The following FGF14 variants were observed in gnomAD, a reference collection of about 807,000 sequenced individuals.
The protein encoded by FGF14 is fibroblast growth factor 14.
In FGF14, 5 loss-of-function variants were observed where a neutral mutation model predicts 25.5. That is an observed-to-expected ratio of 0.20 (90% confidence interval 0.10 to 0.41). The LOEUF is 0.41. Ranked by LOEUF, FGF14 falls within the 10% of genes least tolerant of loss-of-function variation. The pLI, the probability that FGF14 is intolerant of heterozygous loss-of-function variation, is 1.00. For missense variants in FGF14, 222 were observed against 320.1 expected (o/e 0.69, Z 2.34); for synonymous variants, 138 against 118.3 (o/e 1.17, Z -1.08).
At chr13:102,134,421 T>C (rs1312274427) in intron 1 of FGF14, among the ~76,000 whole-genome samples, 1 of 152,200 alleles carries the variant, frequency 6.6e-6, no homozygotes, top group Non-Finnish European at 1.5e-5. Context: ...GGAAAATCAG[T>C]GCTATGATTG....
At chr13:101,740,993 G>T (rs572783144) in intron 3 of FGF14, among the ~76,000 whole-genome samples, 1 of 152,094 alleles carries the variant, frequency 6.6e-6, no homozygotes, top group Non-Finnish European at 1.5e-5. Context: ...AAAAGTCCCC[G>T]GTCAGTAAGC....
intron 3 of FGF14, among the ~76,000 whole-genome samples, chr13:101,757,351 A>T (rs936150777): frequency 4.0e-5 from 6 of 151,616 alleles, no homozygotes; most frequent in Middle Eastern, 3.4e-3. Flanking sequence ...AAAAGGGGGG[A>T]ATATATTTTG....
At chr13:102,109,352 C>T (rs992013049) in intron 1 of FGF14, among the ~76,000 whole-genome samples, 3 of 152,058 alleles carry the variant, frequency 2.0e-5, no homozygotes, top group Non-Finnish European at 2.9e-5. Flanking sequence ...CATTGTAAAG[C>T]ATGACTGTAG....
chr13:101,805,894 C>CA (rs1218381277), intron 3 of FGF14, among the ~76,000 whole-genome samples: 1 of 151,906 alleles, frequency 6.6e-6, no homozygotes, highest in Non-Finnish European at 1.5e-5. Flanking sequence ...TGAAACAAGG[C>CA]AAATTCATCA....
intron 3 of FGF14, among the ~76,000 whole-genome samples, chr13:101,776,176 G>A (rs2039091324): frequency 6.6e-6 from 1 of 152,118 alleles, no homozygotes. Flanking sequence ...GGATATCAGA[G>A]GGCAGCTTTC....
intron 1 of FGF14, among the ~76,000 whole-genome samples, chr13:101,987,904 T>C (rs979020061): frequency 3.9e-5 from 6 of 152,214 alleles, no homozygotes; most frequent in African/African-American, 7.2e-5. Context: ...TATGGATATA[T>C]AGTCAGTGCC....
chr13:102,042,385 G>A (rs1460589463), intron 1 of FGF14, among the ~76,000 whole-genome samples: 3 of 152,178 alleles, frequency 2.0e-5, no homozygotes, highest in Non-Finnish European at 2.9e-5. Context: ...AGTGAATTGA[G>A]AAGGTCGTAA....
At chr13:101,737,741 G>A (rs1454499331) in intron 3 of FGF14, among the ~76,000 whole-genome samples, 3 of 151,868 alleles carry the variant, frequency 2.0e-5, no homozygotes, top group South Asian at 2.1e-4. Context: ...AATTCCATAC[G>A]CTTCTCTCCT....
intron 1 of FGF14, among the ~76,000 whole-genome samples, chr13:102,085,028 T>C (rs762888832): frequency 3.3e-5 from 5 of 152,200 alleles, no homozygotes; most frequent in Non-Finnish European, 5.9e-5. Context: ...TCTTAGGAAA[T>C]ATCATTGACC....
intron 1 of FGF14, among the ~76,000 whole-genome samples, chr13:101,902,761 C>T (rs919748261): frequency 6.6e-6 from 1 of 152,176 alleles, no homozygotes; most frequent in African/African-American, 2.4e-5. Flanking sequence ...TGCTCAAAAT[C>T]CTGTCATGGT....
At chr13:102,179,130 C>T (rs905528033) in intron 1 of FGF14, among the ~76,000 whole-genome samples, 4 of 152,096 alleles carry the variant, frequency 2.6e-5, no homozygotes, top group Non-Finnish European at 5.9e-5. Flanking sequence ...AGCAGAGAAG[C>T]GAGTCGTAAC....
chr13:102,113,732 A>AC (rs1020709887), intron 1 of FGF14, among the ~76,000 whole-genome samples: 1 of 152,136 alleles, frequency 6.6e-6, no homozygotes, highest in African/African-American at 2.4e-5. Flanking sequence ...TGACCCTTCC[A>AC]CCCCTTTACC....
chr13:101,734,016 A>G (rs559038150), intron 3 of FGF14, among the ~76,000 whole-genome samples: 1 of 151,772 alleles, frequency 6.6e-6, no homozygotes, highest in South Asian at 2.1e-4. Flanking sequence ...ACATAAGGAG[A>G]TGTCTGTGTG....
intron 3 of FGF14, among the ~76,000 whole-genome samples, chr13:101,813,485 A>G (rs988641577): frequency 5.3e-5 from 8 of 150,986 alleles, no homozygotes; most frequent in Admixed American, 5.2e-4. Flanking sequence ...ATGCAGCAAG[A>G]AGCCTTCACC....
intron 1 of FGF14, among the ~76,000 whole-genome samples, chr13:101,884,062 C>CAAAAAAAAAAAAGAAAAA (rs2045862327): frequency 2.6e-5 from 1 of 37,840 alleles, no homozygotes; most frequent in African/African-American, 1.1e-4. Flanking sequence ...GACTCCATCT[C>CAAAAAAAAAAAAGAAAAA]AAAAAAAAAA....
intron 1 of FGF14, among the ~76,000 whole-genome samples, chr13:102,273,332 A>G (rs1287207856): frequency 6.6e-6 from 1 of 152,196 alleles, no homozygotes; most frequent in East Asian, 1.9e-4. Flanking sequence ...ATGGGACAGA[A>G]TTAATCCACA....
At chr13:102,275,717 A>G (rs1041049535) in intron 1 of FGF14, among the ~76,000 whole-genome samples, 1 of 152,142 alleles carries the variant, frequency 6.6e-6, no homozygotes, top group Non-Finnish European at 1.5e-5. Flanking sequence ...TGTGAGTCCA[A>G]AGGATTCTGG....
At chr13:102,267,132 C>CT (rs534622131) in intron 1 of FGF14, among the ~76,000 whole-genome samples, 1 of 151,892 alleles carries the variant, frequency 6.6e-6, no homozygotes, top group South Asian at 2.1e-4. Context: ...GATAAACTTT[C>CT]TTTTTTTTGT....
intron 1 of FGF14, among the ~76,000 whole-genome samples, chr13:102,350,970 T>A (rs114331420): frequency 1.2e-3 from 184 of 152,206 alleles, no homozygotes; most frequent in African/African-American, 4.1e-3. Flanking sequence ...GGTGGAGGTA[T>A]CCACCACAAC....
Sources: gnomAD v4.1 joint callset for allele counts (sites outside exome capture counted in the v4.1 genomes callset) on GRCh38, gnomAD v4.1.1 for gene constraint, MANE v1.5 for transcripts, NCBI Gene and HGNC (gene_info 2026-07-23, HGNC 2026-07-21) for gene names.